Variants in GRIN3A observed in about 807,000 individuals in gnomAD.
GRIN3A encodes the protein glutamate receptor ionotropic, NMDA 3A.
In GRIN3A, 47 loss-of-function variants were observed where a neutral mutation model predicts 92.4. The ratio of observed to expected loss-of-function variants is 0.51; its 90% CI spans 0.40 to 0.65. The LOEUF (loss-of-function observed/expected upper bound fraction) is 0.65, where lower values mean the gene tolerates loss of function less well. Ranked by LOEUF, GRIN3A falls within the 30% of genes least tolerant of loss-of-function variation. GRIN3A has a pLI of 0.00. For synonymous variants in GRIN3A, 527 were observed against 540.6 expected, an observed-to-expected ratio of 0.97 and a Z score of 0.35; for missense variants, 1,324 against 1,393.1, an observed-to-expected ratio of 0.95 and a Z score of 0.79.
chr9:101,649,920 G>A (rs1204896315), intron 3 of GRIN3A, among the ~76,000 whole-genome samples: 2 of 151,988 alleles, frequency 1.3e-5, no homozygotes, highest in African/African-American at 2.4e-5. Context: ...GTCTCTGAGA[G>A]TGCTAATATG....
rs73509329 is a variant in GRIN3A at position 101,609,113 on chromosome 9, G to A, written c.2766+4263C>T. ...TGATTTGACCCTGTGTTTCAAGGGA[G>A]GCTGTGCAATTGCCAATGCTGGGGA... On this transcript the variant is annotated intron_variant, in intron 6 of 8. Transcript: ENST00000361820. 8.2e-3 allele frequency among the ~76,000 whole-genome samples: 1,250 copies of A among 152,328 alleles called. 17 individuals carry two copies. Among genetic ancestry groups the A allele is most frequent in the African/African-American group, 0.029 (1,203 of 41,578 alleles).
chr9:101,627,797 C>T (rs142330899), intron 4 of GRIN3A, among the ~76,000 whole-genome samples: 49 of 152,298 alleles, frequency 3.2e-4, no homozygotes, highest in African/African-American at 1.1e-3. Context: ...TTCCTTTCTA[C>T]AGGAAATCTC....
chr9:101,620,497 C>T (rs1023940583), intron 5 of GRIN3A, among the ~76,000 whole-genome samples: 1 of 152,106 alleles, frequency 6.6e-6, no homozygotes, highest in Non-Finnish European at 1.5e-5. Flanking sequence ...CTACTATATG[C>T]AGTGACAGTA....
chr9:101,579,205 G>A lies in GRIN3A; in HGVS notation c.2922C>T (p.His974=), dbSNP rs749449777. The change falls in exon 7 of 9, where the codon CAC becomes CAT. Residue 974 remains histidine, a synonymous_variant. Coordinates refer to ENST00000361820, the MANE Select transcript of GRIN3A (RefSeq NM_133445.3). ...KNKSKLQYWL[H]TSQRLHRAIN... ...CACCTGTGGCACTCACCTGGCTGGT[G>A]TGGAGCCAGTATTGCAGCTTGGATT... The A allele has an allele frequency of 1.9e-6, 3 of 1,613,878 alleles. No individual in the cohort carries two copies. Among genetic ancestry groups the A allele is most frequent in the Non-Finnish European group, 2.5e-6 (3 of 1,179,854 alleles).
At chr9:101,685,308 CTTTTTTTT>C (rs35028586) in intron 2 of GRIN3A, among the ~76,000 whole-genome samples, 3 of 115,206 alleles carry the variant, frequency 2.6e-5, no homozygotes, top group Non-Finnish European at 5.3e-5. Flanking sequence ...TTTATCATGT[CTTTTTTTT>C]TTTTTTTTTT....
chr9:101,695,659 A>G (rs1038169222), intron 1 of GRIN3A, among the ~76,000 whole-genome samples: 4 of 152,174 alleles, frequency 2.6e-5, no homozygotes, highest in African/African-American at 9.7e-5. Flanking sequence ...GACACGTAGT[A>G]ACTGCTTGAT....
intron 6 of GRIN3A, among the ~76,000 whole-genome samples, chr9:101,583,387 A>C (rs2118792921): frequency 6.6e-6 from 1 of 152,314 alleles, no homozygotes. Flanking sequence ...AGTCTGAGTG[A>C]CAAGACATAC....
intron 6 of GRIN3A, among the ~76,000 whole-genome samples, chr9:101,598,453 T>A (rs1368435869): frequency 2.0e-5 from 3 of 152,154 alleles, no homozygotes; most frequent in African/African-American, 7.2e-5. Flanking sequence ...TATTATAAGG[T>A]AGAAAGGATT....
At chr9:101,641,886 T>C (rs1031268754) in intron 3 of GRIN3A, among the ~76,000 whole-genome samples, 4 of 152,144 alleles carry the variant, frequency 2.6e-5, no homozygotes, top group Non-Finnish European at 4.4e-5. Context: ...ATGTATTTCA[T>C]TGGTTTAAAA....
At chr9:101,602,600 G>A (rs374866999) in intron 6 of GRIN3A, among the ~76,000 whole-genome samples, 1 of 152,188 alleles carries the variant, frequency 6.6e-6, no homozygotes, top group East Asian at 1.9e-4. Context: ...ATATTCATGA[G>A]TTTGCCGAAT....
intron 1 of GRIN3A, among the ~76,000 whole-genome samples, chr9:101,690,333 T>G (rs1027207265): frequency 2.0e-4 from 30 of 152,340 alleles, no homozygotes; most frequent in African/African-American, 5.8e-4. Context: ...GAATTGAATC[T>G]TCATTTCTAG....
intron 6 of GRIN3A, 87 bp from the exon 7 acceptor site, chr9:101,579,447 T>G: frequency 7.5e-7 from 1 of 1,332,732 alleles, no homozygotes; most frequent in Non-Finnish European, 1.1e-6. Flanking sequence ...CAGATGGATA[T>G]TCATTTTTTC....
intron 1 of GRIN3A, among the ~76,000 whole-genome samples, chr9:101,701,309 A>G (rs531344015): frequency 6.6e-6 from 1 of 152,204 alleles, no homozygotes; most frequent in Admixed American, 6.5e-5. Flanking sequence ...TGTACAGATT[A>G]TTTCATCACC....
intron 6 of GRIN3A, among the ~76,000 whole-genome samples, chr9:101,588,050 T>C (rs1827970371): frequency 6.6e-6 from 1 of 152,182 alleles, no homozygotes; most frequent in East Asian, 1.9e-4. Flanking sequence ...AGTAGGAGAA[T>C]GATATCCACA....
intron 1 of GRIN3A, among the ~76,000 whole-genome samples, chr9:101,697,478 T>C (rs1829698405): frequency 1.3e-5 from 2 of 152,194 alleles, no homozygotes; most frequent in African/African-American, 4.8e-5. Flanking sequence ...CAGGTCTGTG[T>C]CTTTCAGGAA....
At chr9:101,730,192 C>A (rs534928013) in intron 1 of GRIN3A, among the ~76,000 whole-genome samples, 1 of 152,068 alleles carries the variant, frequency 6.6e-6, no homozygotes, top group Non-Finnish European at 1.5e-5. Context: ...ACTTAAATTG[C>A]GGGTACACTT....
chr9:101,632,099 C>T (rs374905560), intron 3 of GRIN3A, among the ~76,000 whole-genome samples: 59 of 152,190 alleles, frequency 3.9e-4, no homozygotes, highest in East Asian at 1.3e-3. Context: ...TTGGCCAGTT[C>T]TCTCATTTCC....
rs377088980 is a variant in GRIN3A at position 101,579,280 on chromosome 9, G to A, written c.2847C>T (p.Thr949=). The change falls in exon 7 of 9, where the codon ACC becomes ACT. Residue 949 remains threonine, a synonymous_variant. Coordinates refer to ENST00000361820, the MANE Select transcript of GRIN3A (RefSeq NM_133445.3). ...GCCTGTATACTATGTGCTCACCAAT[G>A]GTGGTCAAAATGGACAGACCAAATC... ...CIGFGLSILT[T]IGEHIVYRLL... is the part of the protein sequence containing the mutation. 3.7e-6 allele frequency: 6 copies of A among 1,613,858 alleles called. No homozygotes were observed. In the African/African-American group the frequency reaches 6.7e-5, roughly 18 times the overall value.
At chr9:101,680,633 G>A (rs748614717) in intron 2 of GRIN3A, among the ~76,000 whole-genome samples, 5 of 152,106 alleles carry the variant, frequency 3.3e-5, no homozygotes, top group Non-Finnish European at 1.5e-5. Context: ...CAAACAGCCA[G>A]GTCAAGGAAA....
Sources: gnomAD v4.1 joint callset for allele counts (sites outside exome capture counted in the v4.1 genomes callset) on GRCh38, gnomAD v4.1.1 for gene constraint, MANE v1.5 for transcripts, NCBI Gene and HGNC (gene_info 2026-07-23, HGNC 2026-07-21) for gene names.